The following VLDLR variants were observed in gnomAD, a reference collection of about 807,000 sequenced individuals.
VLDLR encodes very low-density lipoprotein receptor.
VLDLR carries 81 observed loss-of-function variants against 112.7 expected under a neutral mutation model. The ratio of observed to expected loss-of-function variants is 0.72; its 90% confidence interval spans 0.60 to 0.86. The LOEUF (loss-of-function observed/expected upper bound fraction) is 0.86. VLDLR is among the 40% of genes least tolerant of loss of function. The probability of loss-of-function intolerance (pLI) is 0.00; values close to 1 mark genes in which losing one functional copy is unlikely to be tolerated. For missense variants in VLDLR, 1,237 were observed against 1,099.4 expected (o/e 1.13, Z -1.77); for synonymous variants, 436 against 384.8 (o/e 1.13, Z -1.56).
Position 2,652,423 on chromosome 9 carries a change from C to T in VLDLR, c.2417-357C>T, listed in dbSNP as rs34502446. ...AGACACGCAAATTCTAAGGACTTTG[C>T]TATAAAAACCTTTGTCCTAAATGAA... On this transcript the variant is annotated intron_variant, in intron 17 of 18. Transcript: ENST00000382100. Among the ~76,000 whole-genome samples the T allele has an allele frequency of 5.8e-3, 878 of 152,286 alleles. 6 individuals are homozygous for T. The highest frequency in any genetic ancestry group is 0.024 in the Middle Eastern group (7 of 294).
rs985070970 is a variant in VLDLR, at chr9:2,639,785, G to T, written c.203-74G>T. 89 of 1,610,712 alleles carry T rather than the reference G, an allele frequency of 5.5e-5. No homozygotes were observed. In the East Asian group the frequency reaches 1.5e-3, roughly 28 times the overall value. On this transcript the variant is annotated intron_variant, in intron 2 of 18. Coordinates refer to ENST00000382100, the MANE Select transcript of VLDLR (RefSeq NM_003383.5). Reference sequence around the variant, plus strand: ...TTAGAGCAAAACATGCCAAAATGCAGTATGAGCCCTCATGTGAAGCTAGGG... The same window carrying T: ...TTAGAGCAAAACATGCCAAAATGCATTATGAGCCCTCATGTGAAGCTAGGG...
chr9:2,643,772 T>C, intron 6 of VLDLR, 22 bp downstream of exon 6: 1 of 1,614,222 alleles, frequency 6.2e-7, no homozygotes, highest in Admixed American at 1.7e-5. Flanking sequence ...TTCTTGTTGG[T>C]TAAGCAATGG....
chr9:2,633,857 G>A (rs1355446539), intron 1 of VLDLR, among the ~76,000 whole-genome samples: 1 of 152,168 alleles, frequency 6.6e-6, no homozygotes, highest in Non-Finnish European at 1.5e-5. Context: ...AATGAGGGGA[G>A]AGGGGAGAGG....
At chr9:2,647,138 C>T (rs942513659) in intron 11 of VLDLR, among the ~76,000 whole-genome samples, 2 of 145,254 alleles carry the variant, frequency 1.4e-5, no homozygotes, top group Admixed American at 1.3e-4. Flanking sequence ...CATTAGAACT[C>T]AGTCAGCCAG....
At chr9:2,647,686 T>A in intron 12 of VLDLR, 94 bp downstream of exon 12, 4 of 1,112,936 alleles carry the variant, frequency 3.6e-6, no homozygotes, top group Non-Finnish European at 4.1e-6. Context: ...CAGATGACTC[T>A]ACTGCTTCCG....
rs371989686 is a variant in VLDLR at position 2,658,888 on chromosome 9, G to T, written c.*5020G>T. ...GTGTTCTCCACTACACCTGTCTGAA[G>T]AGATCTAAGTCTGATATTTAAGGAG... On this transcript the variant is annotated 3_prime_UTR_variant, in exon 19 of 19. Transcript: ENST00000382100. 6 of 152,260 alleles carry T rather than the reference G, an allele frequency of 3.9e-5. No homozygotes were observed. The East Asian group carries it at 1.2e-3, about 29-fold the overall frequency. 9.4% of individuals were successfully genotyped at this position (152,260 alleles called of 1,614,324 possible).
Position 2,650,476 on chromosome 9 carries a change from C to T in VLDLR, c.2211C>T (p.Pro737=). 1.2e-6 allele frequency: 2 copies of T among 1,614,012 alleles called. No individual in the cohort carries two copies. Among genetic ancestry groups the T allele is most frequent in the Non-Finnish European group, 1.7e-6 (2 of 1,180,006 alleles). ...CTCCAAAATATACCTGTTCCTGTCCCAGTGGGTACAATGTAGAGGAAAATG... is the reference window on the plus strand; with the variant it reads ...CTCCAAAATATACCTGTTCCTGTCCTAGTGGGTACAATGTAGAGGAAAATG... ...DHSPKYTCSC[P]SGYNVEENGR... The change falls in exon 15 of 19, where the codon CCC becomes CCT. Residue 737 remains proline, a synonymous_variant. Coordinates refer to ENST00000382100, the MANE Select transcript of VLDLR (RefSeq NM_003383.5).
At position 2,622,022 on chromosome 9, in the gene VLDLR, G is replaced by T; in HGVS notation, c.-168G>T. The T allele has an allele frequency of 1.5e-6, 1 of 662,528 alleles. No homozygotes were observed. The highest frequency in any genetic ancestry group is 1.9e-5 in the South Asian group (1 of 53,720). The allele number at this position is 662,528 out of a possible 1,614,324, so 41.0% of individuals were successfully genotyped here. On this transcript the variant is annotated 5_prime_UTR_variant, in exon 1 of 19. Coordinates refer to ENST00000382100, the MANE Select transcript of VLDLR (RefSeq NM_003383.5). ...AGACTGTGCAAGTTGTAGGGGAGGG[G>T]GTGCCCTCTTCTTCCCCGCTCCCTT...
At position 2,643,877 on chromosome 9, in the gene VLDLR, T is replaced by C. The variant is rs1173342215; in HGVS notation, c.984T>C (p.Ser328=). 2 of 1,613,982 alleles carry C rather than the reference T, an allele frequency of 1.2e-6. No individual in the cohort carries two copies. The highest frequency in any genetic ancestry group is 2.7e-5 in the African/African-American group (2 of 74,892). Residue 328 remains serine (S), a synonymous_variant, in exon 7 of 19, where the codon AGT becomes AGC. Transcript: ENST00000382100. The stretch of plus-strand genomic sequence containing the variant: ...GCCCTGGAAAATTCAAGTGCAGAAG[T>C]GGAGAATGCATAGATATCAGCAAAG... ...CLGPGKFKCR[S]GECIDISKVC...
Position 2,659,025 on chromosome 9 carries a change from A to C in VLDLR, c.*5157A>C, listed in dbSNP as rs868139081. On this transcript the variant is annotated 3_prime_UTR_variant, in exon 19 of 19. Transcript: ENST00000382100. ...CTTTTGACTACCTCCTAGGACATGG[A>C]AACAAATATTTGGGAGCCTGCATAG... The C allele has an allele frequency of 6.6e-6, 1 of 152,200 alleles. No individual in the cohort carries two copies. Among genetic ancestry groups the C allele is most frequent in the Non-Finnish European group, 1.5e-5 (1 of 68,032 alleles). The allele number at this position is 152,200 out of a possible 1,614,324, so 9.4% of individuals were successfully genotyped here. A position where few individuals can be genotyped will look rare whatever the true frequency, so the allele number is the denominator to read the frequency against.
intron 14 of VLDLR, among the ~76,000 whole-genome samples, chr9:2,650,016 G>C (rs1818249918): frequency 6.6e-6 from 1 of 152,166 alleles, no homozygotes; most frequent in Non-Finnish European, 1.5e-5. Context: ...AGAAAACCAG[G>C]AGAACATGCC....
Position 2,654,149 on chromosome 9 carries a change from G to A in VLDLR, c.*281G>A. 1 of 454,250 alleles carries A rather than the reference G, an allele frequency of 2.2e-6. No homozygotes were observed. Among genetic ancestry groups the A allele is most frequent in the Non-Finnish European group, 4.1e-6 (1 of 245,508 alleles). The allele number at this position is 454,250 out of a possible 1,614,324, so 28.1% of individuals were successfully genotyped here. A position where few individuals can be genotyped will look rare whatever the true frequency, so the allele number is the denominator to read the frequency against. Reference sequence around the variant, plus strand: ...TCTGGCCAAATATGCACTTTCCCTAGAAAGCCATATTCCAGCAGTGAAACT... The same window carrying A: ...TCTGGCCAAATATGCACTTTCCCTAAAAAGCCATATTCCAGCAGTGAAACT... On this transcript the variant is annotated 3_prime_UTR_variant, in exon 19 of 19. Coordinates refer to ENST00000382100, the MANE Select transcript of VLDLR (RefSeq NM_003383.5).
Position 2,658,718 on chromosome 9 carries a change from T to G in VLDLR, c.*4850T>G, listed in dbSNP as rs1818694521. The G allele has an allele frequency of 6.6e-6, 1 of 152,172 alleles. No individual in the cohort carries two copies. Among genetic ancestry groups the G allele is most frequent in the African/African-American group, 2.4e-5 (1 of 41,422 alleles). The allele number at this position is 152,172 out of a possible 1,614,324, so 9.4% of individuals were successfully genotyped here. Reference sequence around the variant, plus strand: ...AGCACAGTGTCTGGCATCTAATATGTGCAGGGCAGATGTCACTACTGAATA... The same window carrying G: ...AGCACAGTGTCTGGCATCTAATATGGGCAGGGCAGATGTCACTACTGAATA... On this transcript the variant is annotated 3_prime_UTR_variant, in exon 19 of 19. Transcript: ENST00000382100.
intron 1 of VLDLR, among the ~76,000 whole-genome samples, chr9:2,623,383 G>A (rs1816928822): frequency 6.6e-6 from 1 of 152,274 alleles, no homozygotes; most frequent in African/African-American, 2.4e-5. Context: ...TTGCTTGCCA[G>A]CTGCAGGGAA....
intron 13 of VLDLR, 127 bp downstream of exon 13, chr9:2,648,474 A>T (rs1377822603): frequency 1.3e-6 from 2 of 1,533,386 alleles, no homozygotes; most frequent in Non-Finnish European, 1.8e-6. Context: ...TTCACTTAAA[A>T]CCTGGTACAA....
In VLDLR at chr9:2,651,489, G is replaced by C. The variant is rs1563767283; in HGVS notation, c.2326G>C (p.Val776Leu). The C allele has an allele frequency of 1.9e-6, 3 of 1,613,678 alleles. No homozygotes were observed. Among genetic ancestry groups the C allele is most frequent in the Non-Finnish European group, 1.7e-6 (2 of 1,179,750 alleles). Reference protein sequence around the residue: ...TTEISATSGLVPGGINVTTAV... With the variant: ...TTEISATSGLLPGGINVTTAV... ...AGAAATTTCAGCAACTAGTGGACTA[G>C]TTCCTGGAGGTATTGAGTTCAGTAC... Residue 776 changes from valine to leucine, a missense_variant, in exon 16 of 19, where the codon GTT becomes CTT. Val to Leu is a conservative substitution (Grantham distance 32). Transcript: ENST00000382100.
chr9:2,625,730 C>T (rs996138194), intron 1 of VLDLR, among the ~76,000 whole-genome samples: 1 of 152,204 alleles, frequency 6.6e-6, no homozygotes, highest in Non-Finnish European at 1.5e-5. Flanking sequence ...ACTTGGACAA[C>T]AGAGTGATAG....
rs1256523880 is a variant in VLDLR at position 2,650,438 on chromosome 9, A to G, written c.2173A>G (p.Ile725Val). The change falls in exon 15 of 19, where the codon ATT becomes GTT. Residue 725 changes from isoleucine to valine, a missense_variant. Physicochemically the swap from Ile to Val is conservative, Grantham distance 29. Transcript: ENST00000382100. Reference sequence around the variant, plus strand: ...ATACCTATGCCTGCCAGCACCACAGATTAATGATCACTCTCCAAAATATAC... The same window carrying G: ...ATACCTATGCCTGCCAGCACCACAGGTTAATGATCACTCTCCAAAATATAC... ...CEYLCLPAPQ[I>V]NDHSPKYTCS... 1 of 1,614,162 alleles carries G rather than the reference A, an allele frequency of 6.2e-7. No homozygotes were observed. The highest frequency in any genetic ancestry group is 1.1e-5 in the South Asian group (1 of 91,084).
chr9:2,635,345 C>A, intron 1 of VLDLR, 108 bp from the exon 2 acceptor site: 2 of 1,560,336 alleles, frequency 1.3e-6, no homozygotes, highest in Non-Finnish European at 1.8e-6. Flanking sequence ...GATGTCATAG[C>A]CTGCCGAGTC....
Sources: allele counts gnomAD v4.1 joint callset (sites outside exome capture counted in the v4.1 genomes callset), GRCh38; gene constraint gnomAD v4.1.1; transcripts MANE v1.5; gene names NCBI Gene and HGNC (gene_info 2026-07-23, HGNC 2026-07-21).